The following NOL12 variants were observed in gnomAD, a reference collection of about 807,000 sequenced individuals.
NOL12 encodes the protein nucleolar protein 12.
A neutral mutation model predicts 25.2 loss-of-function variants in NOL12; 21 were observed. The observed-to-expected ratio is 0.83, with a 90% CI of 0.59 to 1.20. NOL12 has a LOEUF of 1.20. Among genes scored for constraint, NOL12 ranks in the 50% most tolerant of loss-of-function variants. NOL12 has a pLI of 0.00. For synonymous variants in NOL12, 133 were observed against 113.8 expected (o/e 1.17, Z -1.08); for missense variants, 286 against 287.6 (o/e 0.99, Z 0.04).
rs1376135439 is a variant in NOL12 at position 37,690,716 on chromosome 22, C to T, written c.401C>T (p.Ser134Phe). Residue 134 changes from serine (S) to phenylalanine (F), a missense_variant, in exon 5 of 6, where the codon TCT (serine) becomes TTT (phenylalanine). Physicochemically the swap from Ser to Phe is radical, Grantham distance 155 (BLOSUM62 -2). Coordinates refer to ENST00000359114, the MANE Select transcript of NOL12 (RefSeq NM_024313.3). ...TPPEGGAGDR[S>F]EEEASSTEKP... ...CTTTAGGGAGGGGCTGGAGACAGGT[C>T]TGAGGAGGAGGCGTCATCCACGGAG... 1.2e-6 allele frequency: 2 copies of T among 1,613,492 alleles called. No homozygotes were observed. The highest frequency in any genetic ancestry group is 1.7e-6 in the Non-Finnish European group (2 of 1,179,624).
chr22:37,692,927 T>C lies in NOL12; in HGVS notation c.*1591T>C. 2.6e-6 allele frequency: 1 copy of C among 388,384 alleles called. No homozygotes were observed. The allele number at this position is 388,384 out of a possible 1,614,324, so 24.1% of individuals were successfully genotyped here. A position where few individuals can be genotyped will look rare whatever the true frequency, so the allele number is the denominator to read the frequency against. On this transcript the variant is annotated 3_prime_UTR_variant, in exon 6 of 6. Transcript: ENST00000359114. ...GGAGTCTGAGGGCTGCACCCGGGTATGGTGAGTTCCCCTCAGGGATTGTGC... is the reference window on the plus strand; with the variant it reads ...GGAGTCTGAGGGCTGCACCCGGGTACGGTGAGTTCCCCTCAGGGATTGTGC...
At position 37,692,226 on chromosome 22, in the gene NOL12, A is replaced by C; in HGVS notation, c.*890A>C. The C allele has an allele frequency of 3.4e-6, 1 of 298,208 alleles. No homozygotes were observed. The highest frequency in any genetic ancestry group is 6.1e-6 in the Non-Finnish European group (1 of 163,306). 18.5% of individuals were successfully genotyped at this position (298,208 alleles called of 1,614,324 possible). On this transcript the variant is annotated 3_prime_UTR_variant, in exon 6 of 6. Coordinates refer to ENST00000359114, the MANE Select transcript of NOL12 (RefSeq NM_024313.3). ...GCAAAAATTAGCCAGGTGTGGTGGC[A>C]CACGCGTGTAATCCCAGCTACTTGG... is the stretch of plus-strand genomic sequence containing the variant.
chr22:37,691,002 C>T (rs1441536998), intron 5 of NOL12, 172 bp from the exon 6 acceptor site: 10 of 792,306 alleles, frequency 1.3e-5, no homozygotes, highest in Non-Finnish European at 2.0e-5. Flanking sequence ...GGTGAAGGGC[C>T]TGTGTCTCTG....
rs1229840511 is a variant in NOL12, at chr22:37,691,585, G to C, written c.*249G>C. The C allele has an allele frequency of 2.2e-6, 1 of 448,014 alleles. No individual in the cohort carries two copies. The highest frequency in any genetic ancestry group is 2.1e-5 in the African/African-American group (1 of 47,434). 27.8% of individuals were successfully genotyped at this position (448,014 alleles called of 1,614,324 possible). ...CAGGAAGAGCCTTCAGAGCCACGTGGGGGCATCTTCCCAAATGTGCACCCC... is the reference window on the plus strand; with the variant it reads ...CAGGAAGAGCCTTCAGAGCCACGTGCGGGCATCTTCCCAAATGTGCACCCC... On this transcript the variant is annotated 3_prime_UTR_variant, in exon 6 of 6. Transcript: ENST00000359114.
Position 37,688,914 on chromosome 22 carries a change from C to T in NOL12, c.303C>T (p.Pro101=), listed in dbSNP as rs780156347. ...CGGAGTCGGTGCAGTATGACCACCC[C>T]AACCACACAGTCACCGTGACCACCA... ...AKTESVQYDH[P]NHTVTVTTIS... is the part of the protein sequence containing the mutation. Residue 101 remains proline (P), a synonymous_variant, in exon 4 of 6, where the codon CCC becomes CCT. Coordinates refer to ENST00000359114, the MANE Select transcript of NOL12 (RefSeq NM_024313.3). 1 of 1,613,978 alleles carries T rather than the reference C, an allele frequency of 6.2e-7. No individual in the cohort carries two copies. Among genetic ancestry groups the T allele is most frequent in the Non-Finnish European group, 8.5e-7 (1 of 1,179,972 alleles).
chr22:37,686,614 A>C, intron 1 of NOL12, 139 bp downstream of exon 1: 3 of 1,373,172 alleles, frequency 2.2e-6, no homozygotes, highest in East Asian at 3.1e-5. Context: ...TCGGCCTTCC[A>C]GCCCGCGTTC....
intron 2 of NOL12, 102 bp from the exon 3 acceptor site, chr22:37,688,210 G>T: frequency 1.5e-6 from 2 of 1,325,732 alleles, no homozygotes; most frequent in Non-Finnish European, 2.2e-6. Context: ...TGATCTTGCA[G>T]TATGGATCAT....
rs73887040 is a variant in NOL12, at chr22:37,691,617, C to A, written c.*281C>A. The A allele has an allele frequency of 2.6e-6, 1 of 379,018 alleles. No homozygotes were observed. The allele number at this position is 379,018 out of a possible 1,614,324, so 23.5% of individuals were successfully genotyped here. A position where few individuals can be genotyped will look rare whatever the true frequency, so the allele number is the denominator to read the frequency against. ...CTTCCCAAATGTGCACCCCACCTGG[C>A]ACTCATCAGATTTGTGCGCTTGTGA... On this transcript the variant is annotated 3_prime_UTR_variant, in exon 6 of 6. Coordinates refer to ENST00000359114, the MANE Select transcript of NOL12 (RefSeq NM_024313.3).
At chr22:37,688,829 G>A (rs1036894555) in intron 3 of NOL12, 21 bp from the exon 4 acceptor site, 2 of 1,613,614 alleles carry the variant, frequency 1.2e-6, no homozygotes, top group East Asian at 4.5e-5. Context: ...ACTGAGACCA[G>A]GTCTGTGTCC....
At chr22:37,687,356 C>G (rs1322270567) in intron 1 of NOL12, among the ~76,000 whole-genome samples, 2 of 143,004 alleles carry the variant, frequency 1.4e-5, no homozygotes, top group African/African-American at 5.1e-5. Context: ...CCTTATTTTC[C>G]TAAATGTATC....
rs968914805 is a variant in NOL12, at chr22:37,690,125, C to T, written c.382-572C>T. On this transcript the variant is annotated intron_variant, in intron 4 of 5. Coordinates refer to ENST00000359114, the MANE Select transcript of NOL12 (RefSeq NM_024313.3). The stretch of plus-strand genomic sequence containing the variant: ...GGTGGAGGTTGTGGTGAGCCGAGAT[C>T]GTGCCATTGCACTCCAGCCTGGGCA... Among the ~76,000 whole-genome samples the T allele has an allele frequency of 1.9e-4, 29 of 151,844 alleles. 1 individual carries two copies. Among genetic ancestry groups the T allele is most frequent in the Admixed American group, 1.8e-3 (27 of 15,228 alleles).
At chr22:37,686,553 C>A in intron 1 of NOL12, 78 bp downstream of exon 1, 1 of 1,435,030 alleles carries the variant, frequency 7.0e-7, no homozygotes, top group East Asian at 2.9e-5. Context: ...GAGCACGCTC[C>A]CGCCGGGGGC....
Position 37,688,932 on chromosome 22 carries a change from GA to G in NOL12, c.322del (p.Thr108ProfsTer16), listed in dbSNP as rs1921941766. 6.2e-7 allele frequency: 1 copy of G among 1,613,820 alleles called. No individual in the cohort carries two copies. The highest frequency in any genetic ancestry group is 1.7e-5 in the Admixed American group (1 of 60,004). ...ACCACCCCAACCACACAGTCACCGT[GA>G]CCACCATCAGTGACCTGGACCTCTC... ...YDHPNHTVTV[T>X]TISDLDLSGA... On this transcript the variant is annotated frameshift_variant, in exon 4 of 6. Coordinates refer to ENST00000359114, the MANE Select transcript of NOL12 (RefSeq NM_024313.3). LOFTEE classifies it high-confidence loss of function.
intron 1 of NOL12, 92 bp from the exon 2 acceptor site, chr22:37,687,818 A>T: frequency 1.1e-6 from 1 of 900,148 alleles, no homozygotes; most frequent in Non-Finnish European, 1.8e-6. Flanking sequence ...CCTAGCACAT[A>T]GTGAGCGCGG....
intron 1 of NOL12, 198 bp from the exon 2 acceptor site, chr22:37,687,712 C>T: frequency 2.2e-6 from 1 of 454,344 alleles, no homozygotes; most frequent in South Asian, 2.3e-5. Flanking sequence ...CCCACCTCGA[C>T]CTTCCAAAGT....
Position 37,691,435 on chromosome 22 carries a change from C to A in NOL12, c.*99C>A. The A allele has an allele frequency of 7.4e-7, 1 of 1,354,390 alleles. No individual in the cohort carries two copies. Among genetic ancestry groups the A allele is most frequent in the Non-Finnish European group, 9.8e-7 (1 of 1,018,950 alleles). 83.9% of individuals were successfully genotyped at this position (1,354,390 alleles called of 1,614,324 possible). A position where few individuals can be genotyped will look rare whatever the true frequency, so the allele number is the denominator to read the frequency against. Reference sequence around the variant, plus strand: ...CCAGCCTGCACCTAGGTAATGACTGCACAGCTCAAGGTTGGGAAGCCAGGA... The same window carrying A: ...CCAGCCTGCACCTAGGTAATGACTGAACAGCTCAAGGTTGGGAAGCCAGGA... On this transcript the variant is annotated 3_prime_UTR_variant, in exon 6 of 6. Transcript: ENST00000359114.
intron 1 of NOL12, 42 bp downstream of exon 1, chr22:37,686,517 T>A: frequency 6.5e-7 from 1 of 1,544,530 alleles, no homozygotes; most frequent in Non-Finnish European, 8.7e-7. Flanking sequence ...GAGCTGTTCT[T>A]CGCGGCCAAG....
At chr22:37,687,880 C>A in intron 1 of NOL12, 30 bp from the exon 2 acceptor site, 1 of 1,518,852 alleles carries the variant, frequency 6.6e-7, no homozygotes, top group South Asian at 1.2e-5. Context: ...TATAATGACT[C>A]TCCTGTCTCT....
rs912858802 is a variant in NOL12, at chr22:37,692,135, T to A, written c.*799T>A. The stretch of plus-strand genomic sequence containing the variant: ...ACTTTGGGAGGCCCAGGCGGGCAGA[T>A]CACTTAAGGTCGGGAGCTCGAGACC... On this transcript the variant is annotated 3_prime_UTR_variant, in exon 6 of 6. Transcript: ENST00000359114. 5.8e-6 allele frequency: 1 copy of A among 171,750 alleles called. No homozygotes were observed. The highest frequency in any genetic ancestry group is 1.2e-5 in the Non-Finnish European group (1 of 81,398). The allele number at this position is 171,750 out of a possible 1,614,324, so 10.6% of individuals were successfully genotyped here. A position where few individuals can be genotyped will look rare whatever the true frequency, so the allele number is the denominator to read the frequency against.
Sources: gnomAD v4.1 joint callset for allele counts (sites outside exome capture counted in the v4.1 genomes callset) on GRCh38, gnomAD v4.1.1 for gene constraint, MANE v1.5 for transcripts, NCBI Gene and HGNC (gene_info 2026-07-23, HGNC 2026-07-21) for gene names.